Variants in MIA2 observed in about 807,000 individuals in gnomAD.
MIA2 encodes MIA SH3 domain ER export factor 2, also known as melanoma inhibitory activity protein 2.
In MIA2, 127 loss-of-function variants were observed where a neutral mutation model predicts 167.8. The ratio of observed to expected loss-of-function variants is 0.76; its 90% CI spans 0.66 to 0.88. The LOEUF is 0.88. MIA2 is among the 40% of genes least tolerant of loss of function. MIA2 has a pLI of 0.00. For synonymous variants in MIA2, 552 were observed against 541.9 expected, an observed-to-expected ratio of 1.02 and a Z score of -0.26; for missense variants, 1,690 against 1,624.7, an observed-to-expected ratio of 1.04 and a Z score of -0.69.
intron 7 of MIA2, among the ~76,000 whole-genome samples, chr14:39,277,718 GTGTATA>G (rs1224111641): frequency 5.1e-4 from 1 of 1,960 alleles, no homozygotes; most frequent in African/African-American, 2.3e-3. Context: ...ATATATATGT[GTGTATA>G]TATATATATA....
At chr14:39,320,048 T>A (rs2066146707) in intron 23 of MIA2, among the ~76,000 whole-genome samples, 1 of 152,128 alleles carries the variant, frequency 6.6e-6, no homozygotes, top group Non-Finnish European at 1.5e-5. Context: ...AATATTAGAT[T>A]ATTACGAATT....
downstream of MIA2, among the ~76,000 whole-genome samples, chr14:39,355,038 A>G (rs572650290): frequency 1.3e-5 from 2 of 150,600 alleles, no homozygotes; most frequent in African/African-American, 4.9e-5. Context: ...TGACTTGGCA[A>G]TGTGGGTTCT....
At chr14:39,385,672 T>C in intron 23 of MIA2, 1 of 967,082 alleles carries the variant, frequency 1.0e-6, no homozygotes, top group Non-Finnish European at 1.7e-6. Context: ...TGCAATCTTT[T>C]CTTCAACTTG....
chr14:39,345,418 T>C (rs1030857416), intron 25 of MIA2, among the ~76,000 whole-genome samples: 3 of 152,200 alleles, frequency 2.0e-5, no homozygotes, highest in African/African-American at 7.2e-5. Context: ...AAAACGTCAA[T>C]ATTACTGAAA....
intron 23 of MIA2, among the ~76,000 whole-genome samples, chr14:39,357,030 T>G (rs1352986436): frequency 1.4e-4 from 22 of 152,238 alleles, no homozygotes. Context: ...TATATTCTGT[T>G]GAATTCGGGT....
intron 25 of MIA2, among the ~76,000 whole-genome samples, chr14:39,345,460 T>C (rs1265255941): frequency 6.6e-6 from 1 of 152,236 alleles, no homozygotes; most frequent in African/African-American, 2.4e-5. Context: ...AATGATACTC[T>C]TTCTGCTTTG....
chr14:39,290,763 G>T (rs2060629480), intron 9 of MIA2, among the ~76,000 whole-genome samples: 1 of 152,112 alleles, frequency 6.6e-6, no homozygotes, highest in African/African-American at 2.4e-5. Context: ...ATAGTCCTAT[G>T]TTCTCTGAGA....
chr14:39,295,179 G>C, intron 13 of MIA2, 150 bp downstream of exon 13: 1 of 653,944 alleles, frequency 1.5e-6, no homozygotes. Flanking sequence ...TTCAGTGTCT[G>C]TCTCTTTTGT....
chr14:39,334,368 G>A (rs969217462), intron 25 of MIA2, among the ~76,000 whole-genome samples: 2 of 151,930 alleles, frequency 1.3e-5, no homozygotes, highest in Admixed American at 6.5e-5. Context: ...TCAGCTACTC[G>A]GGAGGCTGAG....
At chr14:39,332,855 G>A (rs1259420796) in intron 25 of MIA2, among the ~76,000 whole-genome samples, 1 of 152,050 alleles carries the variant, frequency 6.6e-6, no homozygotes, top group African/African-American at 2.4e-5. Context: ...GACCGGAGCT[G>A]TTCCTATTTC....
At chr14:39,350,034 T>A in intron 28 of MIA2, 64 bp from the exon 29 acceptor site, 1 of 602,844 alleles carries the variant, frequency 1.7e-6, no homozygotes, top group Non-Finnish European at 3.0e-6. Flanking sequence ...AACTTAATGA[T>A]TTATTAGGGC....
chr14:39,299,894 C>G lies in MIA2; in HGVS notation c.2527C>G (p.Gln843Glu). ...GCAAGAAGCTGAAGTATGGAAAGAA[C>G]AAGTGAGTGAACTTAATAAACAGAA... ...LLQEAEVWKE[Q>E]VSELNKQKVT... Residue 843 changes from glutamine (Q) to glutamate (E), a missense_variant, in exon 14 of 29, where the codon CAA becomes GAA. By Grantham distance (29) the Gln-to-Glu change is conservative (BLOSUM62 2). Coordinates refer to ENST00000640607, the MANE Select transcript of MIA2 (RefSeq NM_001329214.4). The G allele has an allele frequency of 6.2e-7, 1 of 1,608,190 alleles. No individual in the cohort carries two copies. Among genetic ancestry groups the G allele is most frequent in the Non-Finnish European group, 8.5e-7 (1 of 1,178,478 alleles).
chr14:39,381,808 AAAAAAC>A (rs1358529112), intron 23 of MIA2, among the ~76,000 whole-genome samples: 6 of 152,036 alleles, frequency 3.9e-5, no homozygotes, highest in African/African-American at 1.5e-4. Flanking sequence ...AAAAAGACTG[AAAAAAC>A]AAAAACAAAA....
At chr14:39,363,301 G>C (rs2074735150) in intron 23 of MIA2, among the ~76,000 whole-genome samples, 1 of 152,206 alleles carries the variant, frequency 6.6e-6, no homozygotes, top group South Asian at 2.1e-4. Flanking sequence ...AGGCCAAGGT[G>C]GGAGGTTTTC....
At chr14:39,318,055 T>A in intron 22 of MIA2, 44 bp downstream of exon 22, 1 of 1,382,814 alleles carries the variant, frequency 7.2e-7, no homozygotes, top group Non-Finnish European at 1.0e-6. Flanking sequence ...TATTCTGTTA[T>A]TTCGTTAATT....
intron 16 of MIA2, 48 bp downstream of exon 16, chr14:39,303,572 C>A (rs369302002): frequency 7.5e-7 from 1 of 1,340,930 alleles, no homozygotes; most frequent in South Asian, 1.2e-5. Context: ...AGAAAGAGAA[C>A]GTGGATTACT....
intron 23 of MIA2, among the ~76,000 whole-genome samples, chr14:39,359,301 C>G (rs949266278): frequency 2.0e-5 from 3 of 152,234 alleles, no homozygotes; most frequent in Non-Finnish European, 2.9e-5. Flanking sequence ...TGATTTCAGA[C>G]TGCTGTGCTA....
chr14:39,261,688 G>GGT (rs1230349826), intron 6 of MIA2, among the ~76,000 whole-genome samples: 2 of 152,180 alleles, frequency 1.3e-5, no homozygotes, highest in African/African-American at 4.8e-5. Context: ...CATTTTAACT[G>GGT]GTGTGAGATA....
At chr14:39,331,529 T>A (rs1231223337) in intron 25 of MIA2, among the ~76,000 whole-genome samples, 1 of 152,240 alleles carries the variant, frequency 6.6e-6, no homozygotes, top group Admixed American at 6.5e-5. Flanking sequence ...GCCCATTAGT[T>A]GATGCAGTTT....
Sources: allele counts gnomAD v4.1 joint callset (sites outside exome capture counted in the v4.1 genomes callset), GRCh38; gene constraint gnomAD v4.1.1; transcripts MANE v1.5; gene names NCBI Gene and HGNC (gene_info 2026-07-23, HGNC 2026-07-21).